Variants in UBE3B observed in about 807,000 individuals in gnomAD.
UBE3B encodes the protein ubiquitin-protein ligase E3B.
UBE3B carries 80 observed loss-of-function variants against 132.3 expected under a neutral mutation model. The ratio of observed to expected loss-of-function variants is 0.60; its 90% CI spans 0.50 to 0.73. The LOEUF is 0.73. UBE3B is among the 30% of genes least tolerant of loss of function. The pLI, the probability that UBE3B is intolerant of heterozygous loss-of-function variation, is 0.00. For missense variants in UBE3B, 1,196 were observed against 1,362.5 expected (o/e 0.88, Z 1.92); for synonymous variants, 487 against 520.4 (o/e 0.94, Z 0.87).
intron 19 of UBE3B, chr12:109,520,625 C>T (rs1881587493): frequency 6.5e-6 from 1 of 152,680 alleles, no homozygotes; most frequent in Admixed American, 6.5e-5. Flanking sequence ...CTCCCATTAC[C>T]TTCAGGATGT....
In UBE3B at chr12:109,490,951, T is replaced by A. The variant is rs1057467595; in HGVS notation, c.631-94T>A. ...TGCCTGGCTCACAATACAGTTTTTT[T>A]ATCTGAAGCACTCAGTTTACTTTTT... On this transcript the variant is annotated intron_variant, in intron 8 of 27. Coordinates refer to ENST00000342494, the MANE Select transcript of UBE3B (RefSeq NM_130466.4). The A allele has an allele frequency of 4.8e-5, 65 of 1,352,750 alleles. No homozygotes were observed. In the South Asian group the frequency reaches 5.9e-4, roughly 12 times the overall value. 83.8% of individuals were successfully genotyped at this position (1,352,750 alleles called of 1,614,324 possible).
intron 18 of UBE3B, among the ~76,000 whole-genome samples, chr12:109,512,710 A>G (rs1880530568): frequency 6.6e-6 from 1 of 152,094 alleles, no homozygotes; most frequent in African/African-American, 2.4e-5. Flanking sequence ...CTTGACTTTA[A>G]TACTTATGGT....
rs1214673411 is a variant in UBE3B at position 109,521,616 on chromosome 12, A to G, written c.2364+65A>G. On this transcript the variant is annotated intron_variant, in intron 21 of 27. Coordinates refer to ENST00000342494, the MANE Select transcript of UBE3B (RefSeq NM_130466.4). The surrounding 1 kb of genome is among the most constrained non-coding windows in gnomAD (Gnocchi z 4.2). ...TTAACGGTACCATGGGCTTCTTCAC[A>G]TACACATATGTGATCAGGCTTGGCC... 4 of 1,414,400 alleles carry G rather than the reference A, an allele frequency of 2.8e-6. No homozygotes were observed. Among genetic ancestry groups the G allele is most frequent in the African/African-American group, 1.4e-5 (1 of 69,966 alleles). 87.6% of individuals were successfully genotyped at this position (1,414,400 alleles called of 1,614,324 possible). A position where few individuals can be genotyped will look rare whatever the true frequency, so the allele number is the denominator to read the frequency against.
chr12:109,483,468 C>T, intron 2 of UBE3B, 63 bp from the exon 3 acceptor site: 2 of 1,482,132 alleles, frequency 1.3e-6, no homozygotes, highest in Non-Finnish European at 1.8e-6. Flanking sequence ...GCTCTTGAGC[C>T]CCTTTCTGTG....
intron 19 of UBE3B, chr12:109,519,889 C>CA (rs11442869): frequency 0.57 from 86,252 of 151,578 alleles, 25,609 homozygotes; most frequent in African/African-American, 0.73. Context: ...ACCCCTGAAT[C>CA]GGGGCACCAT....
Position 109,535,323 on chromosome 12 carries a change from A to G in UBE3B, c.*541A>G, listed in dbSNP as rs149981834. 1.3e-3 allele frequency: 199 copies of G among 152,422 alleles called. No individual in the cohort carries two copies. The highest frequency in any genetic ancestry group is 3.7e-3 in the Admixed American group (56 of 15,294). The allele number at this position is 152,422 out of a possible 1,614,324, so 9.4% of individuals were successfully genotyped here. On this transcript the variant is annotated 3_prime_UTR_variant, in exon 28 of 28. Transcript: ENST00000342494. ...CGCCTCTTCCCAGACAGCCAGGCCC[A>G]TCTGCTGCCCAGGGAAGCGCAGGCG...
intron 27 of UBE3B, 155 bp downstream of exon 27, chr12:109,533,713 G>T: frequency 1.1e-6 from 1 of 873,744 alleles, no homozygotes; most frequent in Non-Finnish European, 1.9e-6. Context: ...CAGTTCTCAC[G>T]GCAGGAGAAC....
chr12:109,528,561 C>G, intron 24 of UBE3B: 1 of 940,902 alleles, frequency 1.1e-6, no homozygotes, highest in South Asian at 4.9e-5. Flanking sequence ...GCTAAGAAAT[C>G]AGTGATGCAA....
intron 27 of UBE3B, 43 bp downstream of exon 27, chr12:109,533,601 T>C: frequency 6.5e-7 from 1 of 1,538,644 alleles, no homozygotes; most frequent in Non-Finnish European, 8.9e-7. Flanking sequence ...GACTTCCCTC[T>C]TGGTGGTTGT....
chr12:109,487,781 C>T (rs950002466), intron 6 of UBE3B, among the ~76,000 whole-genome samples: 1 of 152,214 alleles, frequency 6.6e-6, no homozygotes, highest in East Asian at 1.9e-4. Flanking sequence ...ATGTGAAATT[C>T]AGTCCTGATT....
At chr12:109,479,886 C>T (rs1232497451) in intron 1 of UBE3B, among the ~76,000 whole-genome samples, 1 of 152,136 alleles carries the variant, frequency 6.6e-6, no homozygotes, top group East Asian at 1.9e-4. Context: ...TGGGAAGAGG[C>T]TCCCTCTTCC....
At chr12:109,502,938 T>G (rs781308027) in intron 13 of UBE3B, 85 bp from the exon 14 acceptor site, 66 of 1,542,096 alleles carry the variant, frequency 4.3e-5, no homozygotes, top group African/African-American at 5.5e-5. Flanking sequence ...CATTTAGAGC[T>G]TTACTGAAAT....
At chr12:109,533,624 C>A in intron 27 of UBE3B, 66 bp downstream of exon 27, 1 of 1,411,218 alleles carries the variant, frequency 7.1e-7, no homozygotes, top group Non-Finnish European at 9.9e-7. Context: ...GCTGTGCCCA[C>A]TGTGCAAGGC....
chr12:109,478,453 C>A (rs146384073), intron 1 of UBE3B, among the ~76,000 whole-genome samples: 1 of 152,180 alleles, frequency 6.6e-6, no homozygotes, highest in Non-Finnish European at 1.5e-5. Context: ...TGAATAGTCT[C>A]TTTAAGTCGT....
chr12:109,501,776 A>G (rs1048982634), intron 13 of UBE3B, among the ~76,000 whole-genome samples: 2 of 151,990 alleles, frequency 1.3e-5, no homozygotes, highest in Non-Finnish European at 2.9e-5. Context: ...CAGCCTCCCA[A>G]GTATAATAGC....
At position 109,534,293 on chromosome 12, in the gene UBE3B, A is replaced by G; in HGVS notation, c.3016-298A>G. 7.3e-7 allele frequency: 1 copy of G among 1,372,106 alleles called. No homozygotes were observed. Among genetic ancestry groups the G allele is most frequent in the Non-Finnish European group, 9.4e-7 (1 of 1,062,200 alleles). The allele number at this position is 1,372,106 out of a possible 1,614,324, so 85.0% of individuals were successfully genotyped here. On this transcript the variant is annotated intron_variant, in intron 27 of 27. Transcript: ENST00000342494. The surrounding 1 kb of genome is among the most constrained non-coding windows in gnomAD (Gnocchi z 5.2). Reference sequence around the variant, plus strand: ...CACCTAACAGTTTTTACAGCATTCTACTTTTTGTCAATTGGTTAACCAGTA... The same window carrying G: ...CACCTAACAGTTTTTACAGCATTCTGCTTTTTGTCAATTGGTTAACCAGTA...
At chr12:109,532,514 T>C (rs1883034864) in intron 26 of UBE3B, among the ~76,000 whole-genome samples, 1 of 152,214 alleles carries the variant, frequency 6.6e-6, no homozygotes. Flanking sequence ...AGCTTGATGA[T>C]GTAAGTGACA....
chr12:109,524,460 A>T lies in UBE3B; in HGVS notation c.2525A>T (p.Asp842Val), dbSNP rs780186260. Residue 842 changes from aspartate (D) to valine (V), a missense_variant, in exon 23 of 28, where the codon GAC becomes GTC. Asp to Val is a radical substitution (Grantham distance 152, BLOSUM62 -3). Coordinates refer to ENST00000342494, the MANE Select transcript of UBE3B (RefSeq NM_130466.4). ...TAGCGCTATGATGGGGACATCACTG[A>T]CCTGGGCCTGACGCTGTCTTACGAC... ...SIKRYDGDIT[D>V]LGLTLSYDED... is the part of the protein sequence containing the mutation. 1 of 1,614,220 alleles carries T rather than the reference A, an allele frequency of 6.2e-7. No individual in the cohort carries two copies. The highest frequency in any genetic ancestry group is 2.2e-5 in the East Asian group (1 of 44,860).
chr12:109,531,704 G>A (rs552143962), intron 26 of UBE3B, among the ~76,000 whole-genome samples: 3 of 152,082 alleles, frequency 2.0e-5, no homozygotes, highest in African/African-American at 7.2e-5. Flanking sequence ...ACAGGTCTCC[G>A]GGGATTTAGG....
Sources: allele counts gnomAD v4.1 joint callset (sites outside exome capture counted in the v4.1 genomes callset), GRCh38; gene constraint gnomAD v4.1.1; non-coding constraint Gnocchi (gnomAD v3.1); transcripts MANE v1.5; gene names NCBI Gene and HGNC (gene_info 2026-07-23, HGNC 2026-07-21).